POU2F1: variants seen among roughly 807,000 people sequenced by gnomAD.
POU2F1 encodes the protein POU domain, class 2, transcription factor 1.
A neutral mutation model predicts 84.9 loss-of-function variants in POU2F1; 16 were observed. The observed-to-expected ratio is 0.19, with a 90% CI of 0.13 to 0.29. The LOEUF (loss-of-function observed/expected upper bound fraction) is 0.29, where lower values mean the gene tolerates loss of function less well. Among genes scored for constraint, POU2F1 ranks in the 10% least tolerant of loss-of-function variants. POU2F1 has a pLI of 1.00. For missense variants in POU2F1, 738 were observed against 942.6 expected, an observed-to-expected ratio of 0.78 and a Z score of 2.84; for synonymous variants, 368 against 368.3, an observed-to-expected ratio of 1.00 and a Z score of 0.01.
intron 9 of POU2F1, among the ~76,000 whole-genome samples, chr1:167,393,137 T>C (rs1173043342): frequency 6.6e-6 from 1 of 152,204 alleles, no homozygotes; most frequent in Admixed American, 6.5e-5. Context: ...TTATGTTCTT[T>C]TTAAAAATAT....
At chr1:167,244,328 A>G (rs1215824269) in intron 1 of POU2F1, among the ~76,000 whole-genome samples, 1 of 152,084 alleles carries the variant, frequency 6.6e-6, no homozygotes, top group Non-Finnish European at 1.5e-5. Flanking sequence ...TATGCTGCCA[A>G]GCTCACTCAC....
At chr1:167,390,205 GT>G (rs1557951006) in intron 9 of POU2F1, among the ~76,000 whole-genome samples, 1 of 152,100 alleles carries the variant, frequency 6.6e-6, no homozygotes. Flanking sequence ...CAGCCATGTT[GT>G]TTTTTGGTTT....
chr1:167,237,769 TATA>T (rs370215358), intron 1 of POU2F1, among the ~76,000 whole-genome samples: 2,323 of 16,720 alleles, frequency 0.14, 136 homozygotes, highest in Middle Eastern at 0.27. Flanking sequence ...TATATATATA[TATA>T]TTTTTTTTTT....
chr1:167,267,502 C>T (rs1262337063), intron 1 of POU2F1, among the ~76,000 whole-genome samples: 1 of 151,960 alleles, frequency 6.6e-6, no homozygotes, highest in Non-Finnish European at 1.5e-5. Flanking sequence ...TTCTGCAGTT[C>T]TGTTTTTATA....
At chr1:167,329,370 C>T (rs1339988485) in intron 1 of POU2F1, 3 of 1,514,716 alleles carry the variant, frequency 2.0e-6, no homozygotes, top group Non-Finnish European at 1.8e-6. Flanking sequence ...GTCGGGTTGA[C>T]TATGCATAAA....
At position 167,396,282 on chromosome 1, in the gene POU2F1, G is replaced by A. The variant is rs753510117; in HGVS notation, c.988-4G>A. ...CCTCTTCTCCTGCTCTGTATTGTGT[G>A]TAGGGTGATGTTGGGCTCGCTATGG... On this transcript the variant is annotated splice_polypyrimidine_tract_variant and splice_region_variant and intron_variant, in intron 9 of 15. Transcript: ENST00000367866. 9.3e-6 allele frequency: 15 copies of A among 1,613,932 alleles called. No individual in the cohort carries two copies. Among genetic ancestry groups the A allele is most frequent in the Non-Finnish European group, 1.3e-5 (15 of 1,179,920 alleles).
intron 1 of POU2F1, among the ~76,000 whole-genome samples, chr1:167,304,128 T>C (rs1410932588): frequency 6.6e-6 from 1 of 152,212 alleles, no homozygotes; most frequent in Non-Finnish European, 1.5e-5. Context: ...GTGCCTTTTT[T>C]ATATTTTTAT....
rs566582927 is a variant in POU2F1 at position 167,282,147 on chromosome 1, A to ATTT, written c.62-50313_62-50311dup. Among the ~76,000 whole-genome samples, 223 of 143,416 alleles carry ATTT rather than the reference A, an allele frequency of 1.6e-3. 1 individual carries two copies. Among genetic ancestry groups the ATTT allele is most frequent in the African/African-American group, 5.1e-3 (198 of 39,002 alleles). 94.1% of individuals were successfully genotyped at this position (143,416 alleles called of 152,430 possible). Reference sequence around the variant, plus strand: ...AGTAAACAAAAGAATTTTTTTTCTTATTTTTTTTTTTTCTGAGACGAGTCT... The same window carrying ATTT: ...AGTAAACAAAAGAATTTTTTTTCTTATTTTTTTTTTTTTTTCTGAGACGAGTCT... On this transcript the variant is annotated intron_variant, in intron 1 of 15. Coordinates refer to ENST00000367866, the MANE Select transcript of POU2F1 (RefSeq NM_002697.4).
intron 1 of POU2F1, among the ~76,000 whole-genome samples, chr1:167,328,795 C>T (rs1161355358): frequency 6.6e-6 from 1 of 152,086 alleles, no homozygotes; most frequent in Non-Finnish European, 1.5e-5. Flanking sequence ...AATATTTATG[C>T]AACGATTTAA....
At chr1:167,281,036 G>T (rs1305048567) in intron 1 of POU2F1, among the ~76,000 whole-genome samples, 1 of 152,166 alleles carries the variant, frequency 6.6e-6, no homozygotes, top group Non-Finnish European at 1.5e-5. Flanking sequence ...TATCTTAAAT[G>T]CTAAGTATCT....
At chr1:167,353,591 C>T (rs1241180247) in intron 2 of POU2F1, among the ~76,000 whole-genome samples, 3 of 152,166 alleles carry the variant, frequency 2.0e-5, no homozygotes, top group Non-Finnish European at 4.4e-5. Flanking sequence ...CTCACGCTGT[C>T]CCGCCAGTAC....
Position 167,401,548 on chromosome 1 carries a change from C to T in POU2F1, c.1547C>T (p.Ser516Leu). The change falls in exon 13 of 16, where the codon TCA (serine) becomes TTA (leucine). Residue 516 changes from serine to leucine, a missense_variant. Physicochemically the swap from Ser to Leu is moderately radical, Grantham distance 145. Coordinates refer to ENST00000367866, the MANE Select transcript of POU2F1 (RefSeq NM_002697.4). ...PLTSAAVTNL[S>L]VTGTSDTTSN... ...ACCAGTGCTGCTGTGACGAATCTTT[C>T]AGTTACAGGTAAGCAGCTGCCAGGC... The T allele has an allele frequency of 6.2e-7, 1 of 1,604,650 alleles. No individual in the cohort carries two copies. Among genetic ancestry groups the T allele is most frequent in the South Asian group, 1.1e-5 (1 of 89,196 alleles).
At chr1:167,387,288 G>A in intron 8 of POU2F1, 1 of 452,498 alleles carries the variant, frequency 2.2e-6, no homozygotes, top group South Asian at 1.6e-5. Flanking sequence ...TTGAGAATGG[G>A]GCTACTTCAG....
intron 1 of POU2F1, among the ~76,000 whole-genome samples, chr1:167,293,510 C>T (rs1017777026): frequency 2.0e-5 from 3 of 152,320 alleles, no homozygotes; most frequent in East Asian, 1.9e-4. Context: ...AACTCATGCT[C>T]ATGGACTGGA....
intron 2 of POU2F1, among the ~76,000 whole-genome samples, chr1:167,343,464 AT>A (rs951306329): frequency 5.3e-5 from 8 of 151,120 alleles, no homozygotes; most frequent in African/African-American, 1.2e-4. Context: ...TACTTTTTTC[AT>A]TTTTTTTCCT....
intron 1 of POU2F1, chr1:167,303,534 A>G (rs989470901): frequency 1.3e-5 from 2 of 154,334 alleles, no homozygotes; most frequent in Admixed American, 6.5e-5. Flanking sequence ...TCAGTTTTCA[A>G]TGAATCAGTT....
At chr1:167,246,301 G>A (rs935034954) in intron 1 of POU2F1, among the ~76,000 whole-genome samples, 1 of 152,022 alleles carries the variant, frequency 6.6e-6, no homozygotes, top group Non-Finnish European at 1.5e-5. Flanking sequence ...TCCTCCTAAA[G>A]CAAAGTTTAG....
chr1:167,329,915 A>T lies in POU2F1; in HGVS notation c.62-2555A>T, dbSNP rs116441939. Reference sequence around the variant, plus strand: ...TTTTAAAATCAACTATATACTCTAGATAACTACAACTTTAAATGTTGGAAA... The same window carrying T: ...TTTTAAAATCAACTATATACTCTAGTTAACTACAACTTTAAATGTTGGAAA... On this transcript the variant is annotated intron_variant, in intron 1 of 15. Transcript: ENST00000367866. 3.4e-3 allele frequency among the ~76,000 whole-genome samples: 518 copies of T among 152,296 alleles called. 6 individuals carry two copies. The highest frequency in any genetic ancestry group is 0.012 in the African/African-American group (485 of 41,566).
intron 1 of POU2F1, among the ~76,000 whole-genome samples, chr1:167,302,703 G>A (rs1654792026): frequency 6.6e-6 from 1 of 152,140 alleles, no homozygotes; most frequent in Admixed American, 6.5e-5. Context: ...ACTGAGTATG[G>A]ATCTATAAAA....
Sources: gnomAD v4.1 joint callset for allele counts (sites outside exome capture counted in the v4.1 genomes callset) on GRCh38, gnomAD v4.1.1 for gene constraint, MANE v1.5 for transcripts, NCBI Gene and HGNC (gene_info 2026-07-23, HGNC 2026-07-21) for gene names.